Variants in SV2C observed in about 807,000 individuals in gnomAD.
The protein encoded by SV2C is solute carrier family 22 member B3.
SV2C carries 49 observed loss-of-function variants against 79.7 expected under a neutral mutation model. That is an observed-to-expected ratio of 0.61 (90% confidence interval 0.49 to 0.78). The LOEUF is 0.78. Among genes scored for constraint, SV2C ranks in the 30% least tolerant of loss-of-function variants. The probability of loss-of-function intolerance (pLI) is 0.00; values close to 1 mark genes in which losing one functional copy is unlikely to be tolerated. For synonymous variants in SV2C, 334 were observed against 333.2 expected (o/e 1.00, Z -0.03); for missense variants, 833 against 912.9 (o/e 0.91, Z 1.13).
Position 76,330,661 on chromosome 5 carries a change from T to A in SV2C, c.*5114T>A, listed in dbSNP as rs1440243912. On this transcript the variant is annotated 3_prime_UTR_variant, in exon 13 of 13. Transcript: ENST00000502798. Reference sequence around the variant, plus strand: ...ATTCAGTCATTGAGATAACCTTTGATGAGAGGAGAAAGCTCCTTGATTACC... The same window carrying A: ...ATTCAGTCATTGAGATAACCTTTGAAGAGAGGAGAAAGCTCCTTGATTACC... 8.6e-5 allele frequency: 13 copies of A among 151,952 alleles called. No individual in the cohort carries two copies. The highest frequency in any genetic ancestry group is 2.9e-4 in the African/African-American group (12 of 41,320). The allele number at this position is 151,952 out of a possible 1,614,324, so 9.4% of individuals were successfully genotyped here.
the SV2C span, among the ~76,000 whole-genome samples, chr5:75,974,268 C>A: frequency 3.3e-5 from 5 of 152,102 alleles, no homozygotes; most frequent in African/African-American, 1.2e-4. Flanking sequence ...ATGGAACCAT[C>A]GAATCTACCT....
At chr5:75,947,287 C>T in the SV2C span, among the ~76,000 whole-genome samples, 3 of 151,918 alleles carry the variant, frequency 2.0e-5, no homozygotes, top group Admixed American at 1.3e-4. Flanking sequence ...AAAGAGAAGC[C>T]TCCAAATTAT....
chr5:75,894,015 C>A, the SV2C span, among the ~76,000 whole-genome samples: 1 of 151,982 alleles, frequency 6.6e-6, no homozygotes, highest in Non-Finnish European at 1.5e-5. Context: ...TTTTGTTCCA[C>A]AGTAAAATAT....
upstream of SV2C, chr5:76,078,833 A>G (rs1746928893): frequency 3.4e-6 from 2 of 586,858 alleles, no homozygotes; most frequent in South Asian, 2.8e-5. Flanking sequence ...AAACACAAAA[A>G]CAGCATCTTT....
chr5:76,037,738 G>T, the SV2C span, among the ~76,000 whole-genome samples: 1 of 152,218 alleles, frequency 6.6e-6, no homozygotes, highest in African/African-American at 2.4e-5. Flanking sequence ...AGCCTACAGA[G>T]GCAGGCAGGC....
At chr5:76,273,735 T>C (rs894396139) in intron 4 of SV2C, among the ~76,000 whole-genome samples, 2 of 152,202 alleles carry the variant, frequency 1.3e-5, no homozygotes, top group Admixed American at 1.3e-4. Flanking sequence ...CAGATGACTA[T>C]TGGAGTTTGT....
At chr5:76,247,137 T>A (rs1391586953) in intron 4 of SV2C, among the ~76,000 whole-genome samples, 1 of 152,172 alleles carries the variant, frequency 6.6e-6, no homozygotes, top group Non-Finnish European at 1.5e-5. Flanking sequence ...AGTTCCCTAA[T>A]TGGTAAGACA....
At chr5:75,984,731 T>C in the SV2C span, among the ~76,000 whole-genome samples, 6 of 152,156 alleles carry the variant, frequency 3.9e-5, no homozygotes, top group Admixed American at 1.3e-4. Context: ...CTGAATTCCA[T>C]AGGGCAAACC....
chr5:76,001,547 C>T, the SV2C span, among the ~76,000 whole-genome samples: 2 of 151,858 alleles, frequency 1.3e-5, no homozygotes, highest in Non-Finnish European at 2.9e-5. Flanking sequence ...GCTTGCAGCG[C>T]CACTGCACTC....
At chr5:76,266,392 G>T (rs1159808381) in intron 4 of SV2C, among the ~76,000 whole-genome samples, 1 of 152,068 alleles carries the variant, frequency 6.6e-6, no homozygotes, top group Non-Finnish European at 1.5e-5. Flanking sequence ...ATTTTCAGTA[G>T]AGACAGGGTT....
At chr5:75,854,663 G>GT in the SV2C span, among the ~76,000 whole-genome samples, 2 of 151,956 alleles carry the variant, frequency 1.3e-5, no homozygotes, top group East Asian at 1.9e-4. Flanking sequence ...TTTTTGCTTT[G>GT]TTTTTTAACA....
At chr5:76,236,108 G>C (rs1052732948) in intron 4 of SV2C, among the ~76,000 whole-genome samples, 14 of 152,152 alleles carry the variant, frequency 9.2e-5, no homozygotes, top group Non-Finnish European at 2.1e-4. Context: ...CACACACCAT[G>C]TCAGCAGCAT....
chr5:76,185,020 A>T (rs10037990), intron 2 of SV2C, among the ~76,000 whole-genome samples: 1 of 152,152 alleles, frequency 6.6e-6, no homozygotes, highest in Non-Finnish European at 1.5e-5. Context: ...GGGTTACAGG[A>T]ATTGGGTAAA....
the SV2C span, among the ~76,000 whole-genome samples, chr5:76,032,332 G>T: frequency 1.3e-4 from 20 of 151,972 alleles, no homozygotes; most frequent in African/African-American, 4.1e-4. Context: ...GTGCCATGCT[G>T]GTGCGCTGCA....
chr5:76,078,012 C>T, the SV2C span, among the ~76,000 whole-genome samples: 1 of 152,300 alleles, frequency 6.6e-6, no homozygotes, highest in East Asian at 1.9e-4. Context: ...GTGACATCAA[C>T]TTAGGAGTCA....
chr5:75,999,323 C>T, the SV2C span, among the ~76,000 whole-genome samples: 1 of 113,178 alleles, frequency 8.8e-6, no homozygotes, highest in Non-Finnish European at 1.9e-5. Flanking sequence ...GATACACACA[C>T]ATATATATAG....
intron 12 of SV2C, among the ~76,000 whole-genome samples, chr5:76,304,469 T>C (rs576368573): frequency 6.6e-6 from 1 of 152,350 alleles, no homozygotes; most frequent in South Asian, 2.1e-4. Flanking sequence ...GGAGGCAGGA[T>C]AGAATACAAG....
At chr5:75,879,098 T>C in the SV2C span, among the ~76,000 whole-genome samples, 1 of 152,158 alleles carries the variant, frequency 6.6e-6, no homozygotes, top group African/African-American at 2.4e-5. Context: ...CGCTAAGGCA[T>C]TCATGAGGGA....
rs577872915 is a variant in SV2C at position 76,285,392 on chromosome 5, C to A, written c.1047+97C>A. ...AGCACATTTGCCTATTTGAGAGGTACATTTTCCCTTCCTATTATAGAATGA... is the reference window on the plus strand; with the variant it reads ...AGCACATTTGCCTATTTGAGAGGTAAATTTTCCCTTCCTATTATAGAATGA... On this transcript the variant is annotated intron_variant, in intron 5 of 12. Transcript: ENST00000502798. 4.1e-4 allele frequency: 622 copies of A among 1,506,624 alleles called. 8 individuals carry two copies. In the South Asian group the frequency reaches 7.5e-3, roughly 18 times the overall value. 93.3% of individuals were successfully genotyped at this position (1,506,624 alleles called of 1,614,324 possible).
Sources: allele counts gnomAD v4.1 joint callset (sites outside exome capture counted in the v4.1 genomes callset), GRCh38; gene constraint gnomAD v4.1.1; transcripts MANE v1.5; gene names NCBI Gene and HGNC (gene_info 2026-07-23, HGNC 2026-07-21).